Variants in USP30 observed in about 807,000 individuals in gnomAD.
The protein encoded by USP30 is ubiquitin specific peptidase 30.
Under a neutral mutation model 68.2 loss-of-function variants are expected in USP30, and 41 were observed. That is an observed-to-expected ratio of 0.60 (90% CI 0.47 to 0.78). USP30 has a LOEUF of 0.78. Ranked by LOEUF, USP30 falls within the 30% of genes least tolerant of loss-of-function variation. USP30 has a pLI of 0.00. For missense variants in USP30, 522 were observed against 649.4 expected, an observed-to-expected ratio of 0.80 and a Z score of 2.13; for synonymous variants, 229 against 253.7, an observed-to-expected ratio of 0.90 and a Z score of 0.93.
intron 3 of USP30, among the ~76,000 whole-genome samples, chr12:109,033,772 G>A (rs982780120): frequency 6.6e-6 from 1 of 152,150 alleles, no homozygotes; most frequent in Non-Finnish European, 1.5e-5. Context: ...TGCCACAGAA[G>A]CTGGTAAAGA....
At chr12:109,067,420 G>T (rs73195457) in intron 3 of USP30, 104 bp from the exon 4 acceptor site, 32,671 of 1,021,380 alleles carry the variant, frequency 0.032, 713 homozygotes, top group Non-Finnish European at 0.038. Context: ...CCCAGCCTGC[G>T]GTCTTTAATT....
upstream of USP30, among the ~76,000 whole-genome samples, chr12:109,048,745 A>AAAAAC (rs1566079970): frequency 2.0e-5 from 3 of 151,824 alleles, no homozygotes; most frequent in Non-Finnish European, 4.4e-5. Context: ...GTCTCAAAAA[A>AAAAAC]AAAAAAAACA....
chr12:109,072,341 C>T lies in USP30; in HGVS notation c.616C>T (p.Arg206Cys), dbSNP rs200652176. ...AATAACTCCCAAACAAATTACCTGC[C>T]GCACAAGAGGTAGCTGTTTTCCATT... is the stretch of plus-strand genomic sequence containing the variant. ...SEITPKQITC[R>C]TRGSPHPTSN... Residue 206 changes from arginine to cysteine, a missense_variant, in exon 6 of 13, where the codon CGC becomes TGC. By Grantham distance (180) the Arg-to-Cys change is radical. Coordinates refer to ENST00000257548, the MANE Select transcript of USP30 (RefSeq NM_032663.5). 3.0e-5 allele frequency: 49 copies of T among 1,613,336 alleles called. No homozygotes were observed. The highest frequency in any genetic ancestry group is 8.3e-5 in the Admixed American group (5 of 59,970).
At chr12:109,048,069 G>A (rs1310232937), upstream of USP30, among the ~76,000 whole-genome samples, 1 of 150,386 alleles carries the variant, frequency 6.6e-6, no homozygotes, top group Non-Finnish European at 1.5e-5. Context: ...ACGTCTAATA[G>A]AATGCCTACT....
intron 3 of USP30, among the ~76,000 whole-genome samples, chr12:109,046,056 C>T (rs193058854): frequency 5.5e-4 from 83 of 151,044 alleles, no homozygotes; most frequent in Admixed American, 1.8e-3. Flanking sequence ...AGCAGAATTC[C>T]CTCTTATTCT....
chr12:109,068,172 C>A (rs1350428609), intron 4 of USP30, among the ~76,000 whole-genome samples: 5 of 152,228 alleles, frequency 3.3e-5, no homozygotes, highest in African/African-American at 1.2e-4. Context: ...CGCCAGACCG[C>A]TGTTACCAAC....
chr12:109,077,297 A>G (rs1006872500), intron 7 of USP30, among the ~76,000 whole-genome samples: 2 of 152,088 alleles, frequency 1.3e-5, no homozygotes, highest in Non-Finnish European at 2.9e-5. Context: ...TTTGTTTAAT[A>G]TTGGTATTAT....
In USP30 at chr12:109,073,486, A is replaced by G. The variant is rs542298313; in HGVS notation, c.674A>G (p.His225Arg). The change falls in exon 7 of 13, where the codon CAT becomes CGT. Residue 225 changes from histidine (H) to arginine (R), a missense_variant. By Grantham distance (29) the His-to-Arg change is conservative (BLOSUM62 0). Transcript: ENST00000257548. ...SNHWKSQHPF[H>R]GRLTSNMVCK... ...CACTGGAAGTCTCAACATCCTTTTC[A>G]TGGAAGACTCACTAGTAATATGGTC... 3 of 1,614,128 alleles carry G rather than the reference A, an allele frequency of 1.9e-6. No homozygotes were observed. In the East Asian group the frequency reaches 6.7e-5, roughly 36 times the overall value.
At chr12:109,040,542 G>A (rs1274223907) in intron 3 of USP30, among the ~76,000 whole-genome samples, 1 of 152,212 alleles carries the variant, frequency 6.6e-6, no homozygotes, top group African/African-American at 2.4e-5. Context: ...GAGCAGCTGA[G>A]TTGGCTGGCT....
At chr12:109,073,330 AT>A in intron 6 of USP30, 107 bp from the exon 7 acceptor site, 2 of 730,596 alleles carry the variant, frequency 2.7e-6, no homozygotes, top group Non-Finnish European at 4.7e-6. Flanking sequence ...TTTCAAGAAT[AT>A]TTTTTCTTAA....
chr12:109,039,773 G>C (rs574427147), intron 3 of USP30, among the ~76,000 whole-genome samples: 2 of 152,252 alleles, frequency 1.3e-5, no homozygotes, highest in East Asian at 1.9e-4. Flanking sequence ...ACCACACCCA[G>C]TGAATTTTTG....
At chr12:109,069,353 G>T (rs1471861566) in intron 4 of USP30, among the ~76,000 whole-genome samples, 8 of 152,204 alleles carry the variant, frequency 5.3e-5, no homozygotes, top group Non-Finnish European at 1.0e-4. Flanking sequence ...TCTCCTCCAG[G>T]TTCCCTGCTT....
chr12:109,073,410 A>G, intron 6 of USP30, 28 bp from the exon 7 acceptor site: 1 of 1,527,980 alleles, frequency 6.5e-7, no homozygotes, highest in South Asian at 1.1e-5. Flanking sequence ...GCTAAAAGTG[A>G]CATATCAAAA....
chr12:109,066,538 G>T (rs983827468), intron 3 of USP30, among the ~76,000 whole-genome samples: 1 of 152,082 alleles, frequency 6.6e-6, no homozygotes, highest in African/African-American at 2.4e-5. Flanking sequence ...ACAAAAATTA[G>T]TCGGGCATGG....
chr12:109,062,214 C>T (rs1244669755), intron 3 of USP30, among the ~76,000 whole-genome samples: 1 of 152,048 alleles, frequency 6.6e-6, no homozygotes, highest in African/African-American at 2.4e-5. Flanking sequence ...GGATTACAGG[C>T]ATGAACCACC....
intron 3 of USP30, among the ~76,000 whole-genome samples, chr12:109,058,989 C>G (rs7307927): frequency 3.3e-5 from 5 of 152,020 alleles, no homozygotes; most frequent in Admixed American, 6.6e-5. Flanking sequence ...TTGCGAAATA[C>G]TCAGTACTGT....
At chr12:109,071,099 A>C (rs1382551504) in intron 4 of USP30, among the ~76,000 whole-genome samples, 2 of 152,166 alleles carry the variant, frequency 1.3e-5, no homozygotes, top group Admixed American at 6.5e-5. Context: ...GAGATAAAGA[A>C]TGGTGGGTGC....
At chr12:109,057,103 A>G (rs999581839) in intron 2 of USP30, among the ~76,000 whole-genome samples, 3 of 152,204 alleles carry the variant, frequency 2.0e-5, no homozygotes, top group Non-Finnish European at 4.4e-5. Context: ...GTACAGACTG[A>G]CCAATTACAT....
At chr12:109,034,265 T>G (rs1279862606) in intron 3 of USP30, among the ~76,000 whole-genome samples, 3 of 152,262 alleles carry the variant, frequency 2.0e-5, no homozygotes, top group Admixed American at 2.0e-4. Context: ...TTTCCACATA[T>G]CTATAAAATT....
Sources: gnomAD v4.1 joint callset for allele counts (sites outside exome capture counted in the v4.1 genomes callset) on GRCh38, gnomAD v4.1.1 for gene constraint, MANE v1.5 for transcripts, NCBI Gene and HGNC (gene_info 2026-07-23, HGNC 2026-07-21) for gene names.